UNC13C: variants seen among roughly 807,000 people sequenced by gnomAD.
UNC13C encodes the protein unc-13 homolog C.
Under a neutral mutation model 245.4 loss-of-function variants are expected in UNC13C, and 174 were observed. The ratio of observed to expected loss-of-function variants is 0.71; its 90% CI spans 0.63 to 0.80. The LOEUF is 0.80. Among genes scored for constraint, UNC13C ranks in the 30% least tolerant of loss-of-function variants. The pLI is 0.00. For synonymous variants in UNC13C, 992 were observed against 895.1 expected, an observed-to-expected ratio of 1.11 and a Z score of -1.93; for missense variants, 2,829 against 2,602.9, an observed-to-expected ratio of 1.09 and a Z score of -1.89.
chr15:54,589,319 G>A (rs59270084), intron 30 of UNC13C, among the ~76,000 whole-genome samples: 3 of 12,064 alleles, frequency 2.5e-4, no homozygotes, highest in Admixed American at 1.6e-3. Flanking sequence ...TTTTTTTTGA[G>A]ACTGAGTCTC....
At chr15:54,417,668 AG>A (rs2040550235) in intron 19 of UNC13C, among the ~76,000 whole-genome samples, 1 of 152,134 alleles carries the variant, frequency 6.6e-6, no homozygotes, top group Non-Finnish European at 1.5e-5. Flanking sequence ...TGGTCTTACT[AG>A]TGACATTTTC....
intron 2 of UNC13C, among the ~76,000 whole-genome samples, chr15:54,119,061 G>A (rs1296206939): frequency 6.6e-6 from 1 of 151,022 alleles, no homozygotes; most frequent in Non-Finnish European, 1.5e-5. Context: ...TTTTTTTAAA[G>A]AATTTGTGTA....
intron 8 of UNC13C, among the ~76,000 whole-genome samples, chr15:54,259,284 CCAAGTGTATTAGTACATTTT>C (rs1555439544): frequency 6.6e-6 from 1 of 152,186 alleles, no homozygotes; most frequent in Non-Finnish European, 1.5e-5. Context: ...TCTCCTCTAC[CCAAGTGTATTAGTACATTTT>C]CAGGCTGCTG....
chr15:54,303,431 C>G (rs1489488163), intron 13 of UNC13C, among the ~76,000 whole-genome samples: 1 of 152,038 alleles, frequency 6.6e-6, no homozygotes, highest in African/African-American at 2.4e-5. Context: ...TCTAAAATAT[C>G]TCTGGGAGCT....
chr15:54,395,130 T>C (rs2040043676), intron 18 of UNC13C, among the ~76,000 whole-genome samples: 1 of 151,826 alleles, frequency 6.6e-6, no homozygotes, highest in Non-Finnish European at 1.5e-5. Flanking sequence ...GGTCAGATTT[T>C]AAGGATGCTG....
intron 2 of UNC13C, among the ~76,000 whole-genome samples, chr15:54,128,967 C>G (rs2031240190): frequency 6.6e-6 from 1 of 152,234 alleles, no homozygotes; most frequent in Non-Finnish European, 1.5e-5. Flanking sequence ...CACATTCCTC[C>G]TCTAACACCA....
intron 4 of UNC13C, among the ~76,000 whole-genome samples, chr15:54,209,247 T>C (rs193178825): frequency 6.6e-6 from 1 of 152,130 alleles, no homozygotes; most frequent in African/African-American, 2.4e-5. Context: ...GCTCTTGTAT[T>C]TGAAGTTCTG....
chr15:54,150,727 G>A lies in UNC13C; in HGVS notation c.3071+7043G>A, dbSNP rs180977936. Among the ~76,000 whole-genome samples the A allele has an allele frequency of 4.6e-5, 7 of 152,200 alleles. No homozygotes were observed. The East Asian group carries it at 1.4e-3, about 29-fold the overall frequency. The stretch of plus-strand genomic sequence containing the variant: ...TTAACTACAAAGACCAGACATCAGG[G>A]TGACTACTTCAATGTGTGGATCTAT... On this transcript the variant is annotated intron_variant, in intron 4 of 32. Transcript: ENST00000260323.
chr15:54,050,373 C>CT (rs1897226016), intron 2 of UNC13C: 1 of 559,416 alleles, frequency 1.8e-6, no homozygotes, highest in African/African-American at 1.9e-5. Context: ...GGCACTCCTC[C>CT]TTTTTCTGTA....
At chr15:53,947,670 T>G in the UNC13C span, 1 of 152,224 alleles carries the variant, frequency 6.6e-6, no homozygotes, top group Non-Finnish European at 1.5e-5. Flanking sequence ...CGTTCGATCT[T>G]GTCACCGCAG....
intron 30 of UNC13C, among the ~76,000 whole-genome samples, chr15:54,617,550 A>T (rs890659867): frequency 2.0e-5 from 3 of 152,104 alleles, no homozygotes; most frequent in African/African-American, 7.2e-5. Flanking sequence ...ACAAGATCTT[A>T]TACCTGAAGC....
intron 8 of UNC13C, among the ~76,000 whole-genome samples, chr15:54,259,670 C>T (rs1361992657): frequency 6.6e-6 from 1 of 152,108 alleles, no homozygotes; most frequent in African/African-American, 2.4e-5. Context: ...TTGATAGGTA[C>T]TGTGCACTTT....
chr15:54,113,593 G>A (rs1428799762), intron 2 of UNC13C, among the ~76,000 whole-genome samples: 2 of 152,086 alleles, frequency 1.3e-5, no homozygotes, highest in African/African-American at 4.8e-5. Context: ...TTGGGAGGCC[G>A]AGGCGGGTGG....
chr15:53,839,335 G>A, the UNC13C span, among the ~76,000 whole-genome samples: 11 of 152,134 alleles, frequency 7.2e-5, no homozygotes, highest in East Asian at 9.7e-4. Flanking sequence ...TCACAGTTAC[G>A]TGTCTCTGCT....
chr15:54,496,237 A>G (rs1893943652), intron 20 of UNC13C, among the ~76,000 whole-genome samples: 1 of 152,128 alleles, frequency 6.6e-6, no homozygotes, highest in Non-Finnish European at 1.5e-5. Context: ...ATAAAATTAT[A>G]GTCTTTATGT....
intron 2 of UNC13C, among the ~76,000 whole-genome samples, chr15:54,024,380 A>C (rs986998637): frequency 1.3e-5 from 2 of 152,208 alleles, no homozygotes; most frequent in Admixed American, 6.5e-5. Flanking sequence ...CCAAGGTGAG[A>C]AATGAGTATC....
the UNC13C span, among the ~76,000 whole-genome samples, chr15:53,855,296 T>G: frequency 6.6e-6 from 1 of 152,314 alleles, no homozygotes; most frequent in South Asian, 2.1e-4. Flanking sequence ...TTCTTTCTCT[T>G]GCCTGATTGC....
Position 54,354,921 on chromosome 15 carries a change from C to A in UNC13C, c.4713+16432C>A, listed in dbSNP as rs141806067. ...AGGCCCTTAAGAGGTGATTGGGCCACAAGGGCTCTGCCCACATGAATAAAT... is the reference window on the plus strand; with the variant it reads ...AGGCCCTTAAGAGGTGATTGGGCCAAAAGGGCTCTGCCCACATGAATAAAT... On this transcript the variant is annotated intron_variant, in intron 17 of 32. Transcript: ENST00000260323. 2.4e-4 allele frequency among the ~76,000 whole-genome samples: 37 copies of A among 152,266 alleles called. 1 individual carries two copies. The East Asian group carries it at 7.0e-3, about 29-fold the overall frequency.
chr15:54,052,892 G>A (rs1490971562), intron 2 of UNC13C, among the ~76,000 whole-genome samples: 1 of 152,168 alleles, frequency 6.6e-6, no homozygotes. Flanking sequence ...CCAGCTAAAA[G>A]GATATAGAAA....
Sources: allele counts gnomAD v4.1 joint callset (sites outside exome capture counted in the v4.1 genomes callset), GRCh38; gene constraint gnomAD v4.1.1; transcripts MANE v1.5; gene names NCBI Gene and HGNC (gene_info 2026-07-23, HGNC 2026-07-21).